Variants in MYO3B observed in about 807,000 individuals in gnomAD.
The protein encoded by MYO3B is myosin IIIB.
In MYO3B, 156 loss-of-function variants were observed where a neutral mutation model predicts 174.6. That is an observed-to-expected ratio of 0.89 (90% CI 0.78 to 1.02). The LOEUF (loss-of-function observed/expected upper bound fraction) is 1.02. MYO3B is among the 50% of genes least tolerant of loss of function. The pLI, the probability that MYO3B is intolerant of heterozygous loss-of-function variation, is 0.00. For missense variants in MYO3B, 1,632 were observed against 1,639.4 expected, an observed-to-expected ratio of 1.00 and a Z score of 0.08; for synonymous variants, 563 against 569.1, an observed-to-expected ratio of 0.99 and a Z score of 0.15.
chr2:170,388,630 A>G (rs1052122800), intron 14 of MYO3B, among the ~76,000 whole-genome samples: 1 of 152,146 alleles, frequency 6.6e-6, no homozygotes, highest in Non-Finnish European at 1.5e-5. Flanking sequence ...GCTAGCTTCA[A>G]TGGGGAATGG....
intron 32 of MYO3B, among the ~76,000 whole-genome samples, chr2:170,612,215 G>A (rs1350722024): frequency 6.6e-6 from 1 of 152,166 alleles, no homozygotes; most frequent in Non-Finnish European, 1.5e-5. Context: ...CATTTCACAG[G>A]AAAGAGCATG....
intron 32 of MYO3B, among the ~76,000 whole-genome samples, chr2:170,592,161 A>T (rs1472698959): frequency 3.3e-5 from 5 of 152,130 alleles, no homozygotes; most frequent in Non-Finnish European, 5.9e-5. Context: ...CCTCACCATA[A>T]CCATATCACT....
chr2:170,652,237 G>A (rs1243659469), intron 34 of MYO3B, 83 bp downstream of exon 34: 1 of 1,254,260 alleles, frequency 8.0e-7, no homozygotes, highest in Non-Finnish European at 1.1e-6. Context: ...AAACTTTCCA[G>A]AGAGGCTTCT....
intron 8 of MYO3B, chr2:170,349,694 G>A (rs1263482867): frequency 1.3e-5 from 2 of 151,512 alleles, no homozygotes; most frequent in African/African-American, 4.9e-5. Flanking sequence ...AGCTACTTGG[G>A]AGGCTGAGGC....
intron 22 of MYO3B, among the ~76,000 whole-genome samples, chr2:170,433,401 A>G (rs542688569): frequency 6.6e-6 from 1 of 152,264 alleles, no homozygotes; most frequent in Non-Finnish European, 1.5e-5. Flanking sequence ...TTTTATTAGC[A>G]AAAAGAGATT....
chr2:170,387,308 C>T lies in MYO3B; in HGVS notation c.1577C>T (p.Ala526Val), dbSNP rs372509537. ...LEKSRVIKQA[A>V]REKNFHIFYY... ...AAATCCAGAGTTATAAAACAGGCAG[C>T]GTAGGTGCACTACTTTATCACTGTG... The change falls in exon 14 of 35, where the codon GCG becomes GTG. Residue 526 changes from alanine (A) to valine (V), a missense_variant and splice_region_variant. Physicochemically the swap from Ala to Val is moderately conservative, Grantham distance 64. Transcript: ENST00000408978. 3.8e-5 allele frequency: 62 copies of T among 1,613,726 alleles called. No individual in the cohort carries two copies. The highest frequency in any genetic ancestry group is 3.3e-4 in the Middle Eastern group (2 of 6,084).
At chr2:170,422,546 C>T (rs1454357124) in intron 22 of MYO3B, among the ~76,000 whole-genome samples, 1 of 151,512 alleles carries the variant, frequency 6.6e-6, no homozygotes, top group Non-Finnish European at 1.5e-5. Context: ...GCAGCCTCTG[C>T]CTCACAGGTT....
chr2:170,245,008 G>A (rs751995027), intron 7 of MYO3B, among the ~76,000 whole-genome samples: 1 of 152,172 alleles, frequency 6.6e-6, no homozygotes, highest in Non-Finnish European at 1.5e-5. Context: ...AATTGTGTCA[G>A]TATGAATACA....
chr2:170,256,354 T>C (rs1479069689), intron 7 of MYO3B, among the ~76,000 whole-genome samples: 3 of 152,144 alleles, frequency 2.0e-5, no homozygotes, highest in African/African-American at 7.2e-5. Context: ...TCAAGGTCAG[T>C]GTGAAAGAAA....
At chr2:170,446,406 G>A (rs17498117) in intron 23 of MYO3B, among the ~76,000 whole-genome samples, 42,315 of 151,876 alleles carry the variant, frequency 0.28, 6,164 homozygotes, top group Admixed American at 0.37. Flanking sequence ...CATAGTACCA[G>A]CAAAGTGTTG....
At chr2:170,427,240 G>A (rs1034434597) in intron 22 of MYO3B, among the ~76,000 whole-genome samples, 3 of 152,092 alleles carry the variant, frequency 2.0e-5, no homozygotes, top group African/African-American at 4.8e-5. Context: ...AATAATCTTT[G>A]TTGGCCTTTA....
At chr2:170,207,325 A>G (rs1285871901) in intron 3 of MYO3B, among the ~76,000 whole-genome samples, 4 of 152,084 alleles carry the variant, frequency 2.6e-5, no homozygotes, top group African/African-American at 9.7e-5. Flanking sequence ...CAGTTGCATG[A>G]CCATTTGGAG....
chr2:170,412,431 G>A (rs969677969), intron 22 of MYO3B: 1 of 152,188 alleles, frequency 6.6e-6, no homozygotes, highest in Non-Finnish European at 1.5e-5. Flanking sequence ...ACCTAGAACT[G>A]AGTTTTACCC....
intron 19 of MYO3B, among the ~76,000 whole-genome samples, chr2:170,403,342 C>T (rs1253140477): frequency 6.6e-6 from 1 of 152,136 alleles, no homozygotes; most frequent in Non-Finnish European, 1.5e-5. Flanking sequence ...GAATTCGGGA[C>T]ATAGGTTCTT....
intron 22 of MYO3B, among the ~76,000 whole-genome samples, chr2:170,426,271 C>A (rs1037052944): frequency 2.7e-5 from 4 of 150,620 alleles, no homozygotes; most frequent in Non-Finnish European, 5.9e-5. Context: ...CCCAGGAGTT[C>A]GAGACTGCAG....
At chr2:170,244,098 C>G (rs1450315195) in intron 7 of MYO3B, among the ~76,000 whole-genome samples, 1 of 152,182 alleles carries the variant, frequency 6.6e-6, no homozygotes, top group Non-Finnish European at 1.5e-5. Flanking sequence ...GGCCATGGTA[C>G]TTTTCCTTTG....
intron 9 of MYO3B, among the ~76,000 whole-genome samples, chr2:170,369,685 A>AT (rs56283055): frequency 3.4e-5 from 5 of 147,344 alleles, no homozygotes; most frequent in African/African-American, 7.5e-5. Flanking sequence ...AGAAATTTGG[A>AT]TTTTTTTTTT....
Position 170,443,982 on chromosome 2 carries a change from C to G in MYO3B, c.2666C>G (p.Thr889Arg). 6.2e-7 allele frequency: 1 copy of G among 1,611,554 alleles called. No individual in the cohort carries two copies. The highest frequency in any genetic ancestry group is 8.5e-7 in the Non-Finnish European group (1 of 1,178,250). ...PLTKTGNLAQ[T>R]RARITVASSS... ...TCTTTCTCAGGTAATTTGGCCCAGA[C>G]AAGAGCTAGGATAACAGTGGCCTCA... Residue 889 changes from threonine (T) to arginine (R), a missense_variant, in exon 23 of 35, where the codon ACA becomes AGA. Transcript: ENST00000408978.
At chr2:170,219,631 TAG>T (rs1413507994) in intron 6 of MYO3B, among the ~76,000 whole-genome samples, 1 of 150,556 alleles carries the variant, frequency 6.6e-6, no homozygotes, top group Non-Finnish European at 1.5e-5. Flanking sequence ...GTGACAGAGT[TAG>T]ACTCTGTCTC....
Sources: gnomAD v4.1 joint callset for allele counts (sites outside exome capture counted in the v4.1 genomes callset) on GRCh38, gnomAD v4.1.1 for gene constraint, MANE v1.5 for transcripts, NCBI Gene and HGNC (gene_info 2026-07-23, HGNC 2026-07-21) for gene names.